Variants in TRIM26 observed in about 807,000 individuals in gnomAD.
TRIM26 encodes tripartite motif containing 26.
In TRIM26, 16 loss-of-function variants were observed where a neutral mutation model predicts 45.5. The observed-to-expected ratio is 0.35, with a 90% CI of 0.24 to 0.53. TRIM26 has a LOEUF of 0.53. Ranked by LOEUF, TRIM26 falls within the 20% of genes least tolerant of loss-of-function variation. The pLI, the probability that TRIM26 is intolerant of heterozygous loss-of-function variation, is 0.92. For missense variants in TRIM26, 442 were observed against 691.1 expected (o/e 0.64, Z 4.04); for synonymous variants, 273 against 290.4 (o/e 0.94, Z 0.61).
chr6:30,188,238 A>AAAAAAAAAAAAAAAAAAAAAAG (rs1562187137), intron 9 of TRIM26: 1 of 197,176 alleles, frequency 5.1e-6, no homozygotes, highest in African/African-American at 3.1e-5. Flanking sequence ...AAAAAAAAAA[A>AAAAAAAAAAAAAAAAAAAAAAG]AAAAGAAATT....
Position 30,189,402 on chromosome 6 carries a change from G to A in TRIM26, c.904+16C>T, listed in dbSNP as rs748596483. ...CTGCTCTGACTCCCACCCTTTGTGCGCTCCCCAACCCTTACCCTGGAATTC... is the reference window on the plus strand; with the variant it reads ...CTGCTCTGACTCCCACCCTTTGTGCACTCCCCAACCCTTACCCTGGAATTC... On this transcript the variant is annotated intron_variant, in intron 8 of 9. Coordinates refer to ENST00000454678, the MANE Select transcript of TRIM26 (RefSeq NM_003449.5). The surrounding 1 kb of genome is among the most constrained non-coding windows in gnomAD (Gnocchi z 5.0). 34 of 1,610,980 alleles carry A rather than the reference G, an allele frequency of 2.1e-5. No homozygotes were observed. The highest frequency in any genetic ancestry group is 6.7e-5 in the Admixed American group (4 of 59,994).
intron 6 of TRIM26, among the ~76,000 whole-genome samples, chr6:30,191,129 A>C (rs1775782701): frequency 6.6e-6 from 1 of 152,094 alleles, no homozygotes; most frequent in Non-Finnish European, 1.5e-5. Context: ...TATTTTAGAG[A>C]CAGATTCAAC....
chr6:30,185,669 G>A lies in TRIM26; in HGVS notation c.*207C>T, dbSNP rs549908204. 6 of 605,598 alleles carry A rather than the reference G, an allele frequency of 9.9e-6. No homozygotes were observed. In the African/African-American group the frequency reaches 1.1e-4, roughly 11 times the overall value. 37.5% of individuals were successfully genotyped at this position (605,598 alleles called of 1,614,324 possible). ...TCCCTCGGGAAACCAGCAGGAGGTG[G>A]GAAAAGAGCCCCATTAGGGCAGTAG... On this transcript the variant is annotated 3_prime_UTR_variant, in exon 10 of 10. Transcript: ENST00000454678. The surrounding 1 kb of genome is among the most constrained non-coding windows in gnomAD (Gnocchi z 5.7).
intron 1 of TRIM26, among the ~76,000 whole-genome samples, chr6:30,211,933 T>C (rs1255109303): frequency 1.3e-5 from 2 of 152,194 alleles, no homozygotes; most frequent in Non-Finnish European, 2.9e-5. Flanking sequence ...GAAGGGGGAA[T>C]ATAACTCTTG....
At chr6:30,195,629 CAG>C (rs1399151040) in intron 6 of TRIM26, among the ~76,000 whole-genome samples, 1 of 152,218 alleles carries the variant, frequency 6.6e-6, no homozygotes, top group Admixed American at 6.5e-5. Context: ...GCACATACTG[CAG>C]AGTCTGCCTT....
At chr6:30,191,804 T>C (rs994186819) in intron 6 of TRIM26, among the ~76,000 whole-genome samples, 8 of 152,116 alleles carry the variant, frequency 5.3e-5, no homozygotes, top group African/African-American at 1.9e-4. Flanking sequence ...CCTCAAAACA[T>C]GTAAGTCCAA....
At chr6:30,212,209 A>G (rs1421082706) in intron 1 of TRIM26, among the ~76,000 whole-genome samples, 2 of 152,218 alleles carry the variant, frequency 1.3e-5, no homozygotes, top group Non-Finnish European at 2.9e-5. Flanking sequence ...GCATCCTACA[A>G]CATACACGAC....
In TRIM26 at chr6:30,196,544, G is replaced by C. The variant is rs375533552; in HGVS notation, c.737C>G (p.Ala246Gly). ...CATGAGCTCTGCAGCTGGCTGCTGCGCCTTGCCCTCCAGTTCGGAGATGAC... is the reference window on the plus strand; with the variant it reads ...CATGAGCTCTGCAGCTGGCTGCTGCCCCTTGCCCTCCAGTTCGGAGATGAC... Reference protein sequence around the residue: ...ALVISELEGKAQQPAAELMQD... With the variant: ...ALVISELEGKGQQPAAELMQD... Residue 246 changes from alanine (A) to glycine (G), a missense_variant, in exon 6 of 10, where the codon GCG becomes GGG. Physicochemically the swap from Ala to Gly is moderately conservative, Grantham distance 60. Coordinates refer to ENST00000454678, the MANE Select transcript of TRIM26 (RefSeq NM_003449.5). This position sits in a 1 kb window ranked among gnomAD's most constrained non-coding sequence, Gnocchi z 4.9. 6 of 1,609,996 alleles carry C rather than the reference G, an allele frequency of 3.7e-6. No individual in the cohort carries two copies. In the Admixed American group the frequency reaches 5.0e-5, roughly 13 times the overall value.
chr6:30,188,389 TG>T, intron 9 of TRIM26: 1 of 386,760 alleles, frequency 2.6e-6, no homozygotes, highest in Non-Finnish European at 4.9e-6. Context: ...CAAGAAACCC[TG>T]AACAGGTACT....
rs140249184 is a variant in TRIM26 at position 30,186,317 on chromosome 6, T to G, written c.1179A>C (p.Glu393Asp). ...CGGCCTCCTCTTCCTCCTCCTCCTCTTCTCCCTCTTCCTCCTCATCCCCCT... is the reference window on the plus strand; with the variant it reads ...CGGCCTCCTCTTCCTCCTCCTCCTCGTCTCCCTCTTCCTCCTCATCCCCCT... Reference protein sequence around the residue: ...EEEGDEEEEGEEEEEEEEAGY... With the variant: ...EEEGDEEEEGDEEEEEEEAGY... Residue 393 changes from glutamate to aspartate, a missense_variant, in exon 10 of 10, where the codon GAA becomes GAC. Physicochemically the swap from Glu to Asp is conservative, Grantham distance 45. Transcript: ENST00000454678. This position sits in a 1 kb window ranked among gnomAD's most constrained non-coding sequence, Gnocchi z 7.4. 5.6e-6 allele frequency: 9 copies of G among 1,610,600 alleles called. No homozygotes were observed. The African/African-American group carries it at 1.2e-4, about 22-fold the overall frequency.
intron 2 of TRIM26, among the ~76,000 whole-genome samples, chr6:30,203,038 C>T (rs1777347889): frequency 7.3e-6 from 1 of 136,680 alleles, no homozygotes; most frequent in Admixed American, 7.3e-5. Flanking sequence ...AAATTATTTC[C>T]TCTCTTTCTT....
Position 30,209,269 on chromosome 6 carries a change from A to ATGTG in TRIM26, c.-376+4032_-376+4035dup, listed in dbSNP as rs1487975125. 6.6e-6 allele frequency among the ~76,000 whole-genome samples: 1 copy of ATGTG among 152,178 alleles called. No individual in the cohort carries two copies. Among genetic ancestry groups the ATGTG allele is most frequent in the Non-Finnish European group, 1.5e-5 (1 of 68,030 alleles). ...GACATCACATTTTAGCATCTCTGAA[A>ATGTG]TGTGATCAATTGCATGTCATAATTT... On this transcript the variant is annotated intron_variant, in intron 1 of 9. Transcript: ENST00000454678. This position sits in a 1 kb window ranked among gnomAD's most constrained non-coding sequence, Gnocchi z 4.8.
At chr6:30,206,348 C>T (rs949353029) in intron 1 of TRIM26, among the ~76,000 whole-genome samples, 8 of 152,236 alleles carry the variant, frequency 5.3e-5, no homozygotes, top group African/African-American at 1.2e-4. Flanking sequence ...ACTTTCCCCA[C>T]GGAGCCGAGC....
At position 30,196,593 on chromosome 6, in the gene TRIM26, C is replaced by T. The variant is rs773120576; in HGVS notation, c.688G>A (p.Gly230Arg). 4.0e-5 allele frequency: 65 copies of T among 1,613,376 alleles called. No individual in the cohort carries two copies. The highest frequency in any genetic ancestry group is 2.4e-4 in the South Asian group (22 of 91,090). Residue 230 changes from glycine to arginine, a missense_variant, in exon 6 of 10, where the codon GGG (glycine) becomes AGG (arginine). Coordinates refer to ENST00000454678, the MANE Select transcript of TRIM26 (RefSeq NM_003449.5). The surrounding 1 kb of genome is among the most constrained non-coding windows in gnomAD (Gnocchi z 4.9). ...GREKFKSRGVGELARLALVIS... is the reference protein window; with the variant it reads ...GREKFKSRGVRELARLALVIS... ...ACCAGGGCCAGCCGGGCAAGCTCCC[C>T]GACGCCCCGGCTCTTGAACTTCTCC...
intron 3 of TRIM26, among the ~76,000 whole-genome samples, chr6:30,200,311 A>AAAAC (rs970190543): frequency 3.3e-5 from 5 of 152,172 alleles, no homozygotes; most frequent in African/African-American, 1.2e-4. Flanking sequence ...AAAACATTAA[A>AAAAC]AAACAAACAA....
At chr6:30,192,771 T>C (rs573867584) in intron 6 of TRIM26, among the ~76,000 whole-genome samples, 2 of 152,246 alleles carry the variant, frequency 1.3e-5, no homozygotes, top group African/African-American at 2.4e-5. Context: ...AAAATATTAA[T>C]GCTAATTAGG....
At chr6:30,203,046 C>CTTTTTT (rs9278610) in intron 2 of TRIM26, among the ~76,000 whole-genome samples, 4 of 132,854 alleles carry the variant, frequency 3.0e-5, no homozygotes, top group Non-Finnish European at 3.2e-5. Context: ...TCCTCTCTTT[C>CTTTTTT]TTTTTTTTTT....
rs1236186682 is a variant in TRIM26, at chr6:30,186,913, A to C, written c.938-355T>G. The C allele has an allele frequency of 1.6e-6, 1 of 623,076 alleles. No individual in the cohort carries two copies. Among genetic ancestry groups the C allele is most frequent in the African/African-American group, 1.9e-5 (1 of 53,430 alleles). 38.6% of individuals were successfully genotyped at this position (623,076 alleles called of 1,614,324 possible). On this transcript the variant is annotated intron_variant, in intron 9 of 9. Transcript: ENST00000454678. The surrounding 1 kb of genome is among the most constrained non-coding windows in gnomAD (Gnocchi z 7.4). ...TCCAAGTGTGGATCACCAGTCCCTGAAAAATCTGTTCCATTTTCTTCATAA... is the reference window on the plus strand; with the variant it reads ...TCCAAGTGTGGATCACCAGTCCCTGCAAAATCTGTTCCATTTTCTTCATAA...
In TRIM26 at chr6:30,190,394, G is replaced by A. The variant is rs1775708336; in HGVS notation, c.766-359C>T. On this transcript the variant is annotated intron_variant, in intron 6 of 9. Transcript: ENST00000454678. This position sits in a 1 kb window ranked among gnomAD's most constrained non-coding sequence, Gnocchi z 4.3. Reference sequence around the variant, plus strand: ...AGACTGCGCAGGGCTGGATATGCATGGTAAGGAGTTTCACTTTTGCTCCAC... The same window carrying A: ...AGACTGCGCAGGGCTGGATATGCATAGTAAGGAGTTTCACTTTTGCTCCAC... 3 of 340,940 alleles carry A rather than the reference G, an allele frequency of 8.8e-6. No homozygotes were observed. Among genetic ancestry groups the A allele is most frequent in the Middle Eastern group, 9.1e-4 (1 of 1,100 alleles). The allele number at this position is 340,940 out of a possible 1,614,324, so 21.1% of individuals were successfully genotyped here.
Sources: allele counts gnomAD v4.1 joint callset (sites outside exome capture counted in the v4.1 genomes callset), GRCh38; gene constraint gnomAD v4.1.1; non-coding constraint Gnocchi (gnomAD v3.1); transcripts MANE v1.5; gene names NCBI Gene and HGNC (gene_info 2026-07-23, HGNC 2026-07-21).